Variants in AHCTF1 observed in about 807,000 individuals in gnomAD.
AHCTF1 encodes the protein protein ELYS.
Under a neutral mutation model 248.4 loss-of-function variants are expected in AHCTF1, and 24 were observed. The ratio of observed to expected loss-of-function variants is 0.10; its 90% CI spans 0.07 to 0.14. The LOEUF (loss-of-function observed/expected upper bound fraction) is 0.14, where lower values mean the gene tolerates loss of function less well. Ranked by LOEUF, AHCTF1 falls within the 10% of genes least tolerant of loss-of-function variation. The pLI is 1.00. For missense variants in AHCTF1, 2,206 were observed against 2,636.2 expected, an observed-to-expected ratio of 0.84 and a Z score of 3.57; for synonymous variants, 786 against 929.8, an observed-to-expected ratio of 0.85 and a Z score of 2.81.
chr1:246,931,261 C>G, intron 1 of AHCTF1: 3 of 1,549,098 alleles, frequency 1.9e-6, no homozygotes, highest in Non-Finnish European at 1.7e-6. Flanking sequence ...GTCGCGGCCC[C>G]GGCCGTCCGT....
At chr1:246,866,510 T>A (rs1322496932) in intron 26 of AHCTF1, among the ~76,000 whole-genome samples, 1 of 152,206 alleles carries the variant, frequency 6.6e-6, no homozygotes, top group Non-Finnish European at 1.5e-5. Context: ...AACTACACTC[T>A]GTACTTCTGG....
rs773784048 is a variant in AHCTF1 at position 246,861,181 on chromosome 1, G to T, written c.3850C>A (p.Pro1284Thr). Residue 1284 changes from proline (P) to threonine (T), a missense_variant, in exon 29 of 36, where the codon CCT becomes ACT. This residue lies in a region of AHCTF1 where 955 missense variants were observed against 1,055.6 expected (regional missense o/e 0.90). Transcript: ENST00000648844. The stretch of plus-strand genomic sequence containing the variant: ...TCCATTTCTTGATGCTCCTTTTCAG[G>T]GCTGTTCAGGAAAAAAGATGTGGTC... The part of the protein sequence containing the change: ...DRTTSFFLNS[P>T]EKEHQEMDEG... The T allele has an allele frequency of 1.2e-6, 2 of 1,613,560 alleles. No individual in the cohort carries two copies. Among genetic ancestry groups the T allele is most frequent in the Non-Finnish European group, 1.7e-6 (2 of 1,180,026 alleles).
intron 3 of AHCTF1, among the ~76,000 whole-genome samples, chr1:246,914,328 C>A (rs1332332985): frequency 6.6e-6 from 1 of 152,182 alleles, no homozygotes; most frequent in Non-Finnish European, 1.5e-5. Context: ...GGATTCTCAA[C>A]CTGTACTGAT....
intron 3 of AHCTF1, 73 bp downstream of exon 3, chr1:246,916,069 G>GT: frequency 1.3e-6 from 2 of 1,506,144 alleles, no homozygotes; most frequent in Non-Finnish European, 1.8e-6. Context: ...ATTTCAAAAA[G>GT]TAACACACCT....
At chr1:246,868,937 C>T (rs1779982) in intron 24 of AHCTF1, among the ~76,000 whole-genome samples, 82,382 of 149,576 alleles carry the variant, frequency 0.55, 24,430 homozygotes, top group African/African-American at 0.77. Context: ...TTCTGCCTCC[C>T]GGGTTCACGC....
intron 35 of AHCTF1, among the ~76,000 whole-genome samples, chr1:246,841,318 T>C (rs991445129): frequency 2.6e-5 from 4 of 152,204 alleles, no homozygotes; most frequent in Non-Finnish European, 4.4e-5. Context: ...CGAGTACCAG[T>C]TGTCAGCCCA....
At chr1:246,863,395 T>C (rs1301196489) in intron 27 of AHCTF1, among the ~76,000 whole-genome samples, 1 of 151,586 alleles carries the variant, frequency 6.6e-6, no homozygotes, top group Non-Finnish European at 1.5e-5. Flanking sequence ...AACAAAACTT[T>C]AAAAATGGAA....
intron 3 of AHCTF1, 142 bp from the exon 4 acceptor site, chr1:246,913,554 GAAT>G (rs1665950047): frequency 2.7e-6 from 2 of 733,836 alleles, no homozygotes; most frequent in African/African-American, 1.8e-5. Flanking sequence ...CTTGTGATCT[GAAT>G]AATGAAATCT....
At chr1:246,910,509 G>C (rs937939527) in intron 4 of AHCTF1, among the ~76,000 whole-genome samples, 16 of 152,254 alleles carry the variant, frequency 1.1e-4, no homozygotes, top group African/African-American at 3.8e-4. Context: ...AGGAGGAAAG[G>C]GGAATGAACT....
chr1:246,908,839 C>T (rs1202185604), intron 4 of AHCTF1, among the ~76,000 whole-genome samples: 2 of 149,950 alleles, frequency 1.3e-5, no homozygotes, highest in East Asian at 2.0e-4. Context: ...CAGAGCTTGC[C>T]GTGAGCCAAG....
At chr1:246,888,027 G>T in intron 19 of AHCTF1, 150 bp downstream of exon 19, 1 of 810,964 alleles carries the variant, frequency 1.2e-6, no homozygotes, top group Non-Finnish European at 1.9e-6. Context: ...GGCCATCTGA[G>T]CCCAAACAAC....
chr1:246,855,588 C>T, intron 31 of AHCTF1, 142 bp downstream of exon 31: 1 of 638,982 alleles, frequency 1.6e-6, no homozygotes, highest in African/African-American at 1.9e-5. Context: ...TACTTCTACA[C>T]CAGGAAAGCT....
At chr1:246,906,908 T>C (rs1012798690) in intron 5 of AHCTF1, among the ~76,000 whole-genome samples, 3 of 152,214 alleles carry the variant, frequency 2.0e-5, no homozygotes, top group African/African-American at 7.2e-5. Flanking sequence ...GCTGTTACTT[T>C]ACACAGATGA....
chr1:246,869,912 G>T (rs552721597), intron 24 of AHCTF1, among the ~76,000 whole-genome samples: 18 of 152,306 alleles, frequency 1.2e-4, no homozygotes, highest in African/African-American at 3.6e-4. Flanking sequence ...AGCTGTCACA[G>T]ATAGTGATTC....
chr1:246,844,796 C>T (rs376806951), intron 33 of AHCTF1, among the ~76,000 whole-genome samples: 2 of 147,840 alleles, frequency 1.4e-5, no homozygotes, highest in East Asian at 2.0e-4. Flanking sequence ...AAAGCATTTA[C>T]CACACAGACT....
At chr1:246,923,240 C>T (rs1415749391) in intron 1 of AHCTF1, among the ~76,000 whole-genome samples, 1 of 151,446 alleles carries the variant, frequency 6.6e-6, no homozygotes, top group African/African-American at 2.4e-5. Flanking sequence ...CATGATGAAA[C>T]CCCATCTTTA....
chr1:246,879,075 C>T (rs941778796), intron 21 of AHCTF1, among the ~76,000 whole-genome samples: 23 of 152,038 alleles, frequency 1.5e-4, no homozygotes, highest in African/African-American at 5.6e-4. Context: ...TTAAATCTCA[C>T]AACAAGGTTG....
chr1:246,887,152 T>C (rs1384355675), intron 20 of AHCTF1, 59 bp downstream of exon 20: 2 of 1,526,288 alleles, frequency 1.3e-6, no homozygotes, highest in Non-Finnish European at 1.8e-6. Flanking sequence ...TTAAATTATG[T>C]GTATTTTCTA....
At position 246,918,277 on chromosome 1, in the gene AHCTF1, A is replaced by G. The variant is rs1246452390; in HGVS notation, c.94T>C (p.Ser32Pro). The change falls in exon 2 of 36, where the codon TCT becomes CCT. Residue 32 changes from serine (S) to proline (P), a missense_variant. Around this residue, in one of 6 missense-constraint regions of AHCTF1, gnomAD observed 69 missense variants for 85.4 expected, o/e 0.81. Transcript: ENST00000648844. ...GCAGCAAACTTTCCACGAAGCACAGATTCTAATGTTATTTCGTCTTCTCCA... is the reference window on the plus strand; with the variant it reads ...GCAGCAAACTTTCCACGAAGCACAGGTTCTAATGTTATTTCGTCTTCTCCA... ...ALGEDEITLE[S>P]VLRGKFAAGK... is the part of the protein sequence containing the mutation. 3 of 1,610,914 alleles carry G rather than the reference A, an allele frequency of 1.9e-6. No homozygotes were observed. The Admixed American group carries it at 5.0e-5, about 27-fold the overall frequency.
Sources: allele counts gnomAD v4.1 joint callset (sites outside exome capture counted in the v4.1 genomes callset), GRCh38; gene constraint gnomAD v4.1.1; regional missense constraint gnomAD v4.1.1; transcripts MANE v1.5; gene names NCBI Gene and HGNC (gene_info 2026-07-23, HGNC 2026-07-21).